The following DCHS2 variants were observed in gnomAD, a reference collection of about 807,000 sequenced individuals.
DCHS2 encodes dachsous cadherin-related 2, also known as protocadherin-23.
Under a neutral mutation model 182.4 loss-of-function variants are expected in DCHS2, and 142 were observed. The observed-to-expected ratio is 0.78, with a 90% CI of 0.68 to 0.89. The LOEUF is 0.89. Ranked by LOEUF, DCHS2 falls within the 40% of genes least tolerant of loss-of-function variation. The probability of loss-of-function intolerance (pLI) is 0.00; values close to 1 mark genes in which losing one functional copy is unlikely to be tolerated. For missense variants in DCHS2, 4,319 were observed against 4,198.6 expected, an observed-to-expected ratio of 1.03 and a Z score of -0.79; for synonymous variants, 1,740 against 1,663.3, an observed-to-expected ratio of 1.05 and a Z score of -1.12.
chr4:154,490,905 C>T lies in DCHS2; in HGVS notation c.451G>A (p.Val151Met), dbSNP rs1471447772. 16 of 1,551,224 alleles carry T rather than the reference C, an allele frequency of 1.0e-5. No individual in the cohort carries two copies. The highest frequency in any genetic ancestry group is 1.3e-5 in the Non-Finnish European group (15 of 1,146,918). Residue 151 changes from valine to methionine, a missense_variant, in exon 1 of 20, where the codon GTG (valine) becomes ATG (methionine). Physicochemically the swap from Val to Met is conservative, Grantham distance 21 (BLOSUM62 1). Transcript: ENST00000357232. ...TCGTTGACGCGAATCTCCACCTGCA[C>T]CACAGCGCCCAGCAGCGTGGCGGCG... The part of the protein sequence containing the change: ...FVAATLLGAV[V>M]QVEIRVNDVN...
intron 10 of DCHS2, among the ~76,000 whole-genome samples, chr4:154,308,022 CT>C (rs1735518413): frequency 6.6e-6 from 1 of 152,012 alleles, no homozygotes; most frequent in South Asian, 2.1e-4. Context: ...AATTTTTTTC[CT>C]TAAATTATAT....
Position 154,490,702 on chromosome 4 carries a change from G to A in DCHS2, c.654C>T (p.Gly218=). 1 of 1,551,624 alleles carries A rather than the reference G, an allele frequency of 6.4e-7. No individual in the cohort carries two copies. ...QPSDLPKDPA[G]PFFQLRYRTP... is the part of the protein sequence containing the mutation. ...TCCGGTAGCGCAACTGGAAGAACGG[G>A]CCTGCGGGGTCCTTGGGCAGGTCGG... Residue 218 remains glycine, a synonymous_variant, in exon 1 of 20, where the codon GGC becomes GGT. Transcript: ENST00000357232.
In DCHS2 at chr4:154,236,342, C is replaced by T. The variant is rs1187339909; in HGVS notation, c.8310G>A (p.Met2770Ile). 3.1e-6 allele frequency: 5 copies of T among 1,614,076 alleles called. No homozygotes were observed. The highest frequency in any genetic ancestry group is 4.2e-6 in the Non-Finnish European group (5 of 1,179,964). ...LDDNDHAPQF[M>I]FSSFSCIVPE... ...GAACAATACAGCTGAAGCTTGAGAA[C>T]ATAAACTGAGGTGCATGGTCGTTAT... is the stretch of plus-strand genomic sequence containing the variant. The change falls in exon 20 of 20, where the codon ATG (methionine) becomes ATA (isoleucine). Residue 2770 changes from methionine to isoleucine, a missense_variant. By Grantham distance (10) the Met-to-Ile change is conservative. Transcript: ENST00000357232.
At chr4:154,359,411 T>C (rs1290993843) in intron 3 of DCHS2, among the ~76,000 whole-genome samples, 1 of 152,034 alleles carries the variant, frequency 6.6e-6, no homozygotes, top group Non-Finnish European at 1.5e-5. Context: ...ATGGAATTTT[T>C]AACCAAGGTA....
At chr4:154,469,409 T>G (rs967782881) in intron 1 of DCHS2, among the ~76,000 whole-genome samples, 3 of 152,152 alleles carry the variant, frequency 2.0e-5, no homozygotes, top group African/African-American at 7.2e-5. Context: ...GAGAATTATG[T>G]TGTTTCAAAA....
chr4:154,240,853 C>A, intron 17 of DCHS2, 30 bp from the exon 18 acceptor site: 1 of 1,605,366 alleles, frequency 6.2e-7, no homozygotes, highest in Non-Finnish European at 8.5e-7. Context: ...TGTCAGTCTC[C>A]ATTAAAATTC....
chr4:154,246,438 A>G (rs1207935948), intron 16 of DCHS2, among the ~76,000 whole-genome samples: 1 of 152,154 alleles, frequency 6.6e-6, no homozygotes, highest in African/African-American at 2.4e-5. Context: ...TTTGAAAGTG[A>G]AGAGTGCTAG....
At chr4:154,379,627 A>C (rs1731079358) in intron 1 of DCHS2, among the ~76,000 whole-genome samples, 1 of 152,198 alleles carries the variant, frequency 6.6e-6, no homozygotes, top group Non-Finnish European at 1.5e-5. Flanking sequence ...GGGAGGCAAA[A>C]ATAAAAGACA....
At chr4:154,314,966 G>A (rs1735801789) in intron 10 of DCHS2, among the ~76,000 whole-genome samples, 1 of 152,092 alleles carries the variant, frequency 6.6e-6, no homozygotes, top group African/African-American at 2.4e-5. Flanking sequence ...TTTTGTTTAA[G>A]ATAAAAACAG....
chr4:154,471,661 T>C (rs1224030453), intron 1 of DCHS2, among the ~76,000 whole-genome samples: 1 of 152,092 alleles, frequency 6.6e-6, no homozygotes, highest in Non-Finnish European at 1.5e-5. Context: ...ATCTCTGCCA[T>C]CCTCAAAACT....
intron 3 of DCHS2, among the ~76,000 whole-genome samples, chr4:154,364,326 C>T (rs747486317): frequency 1.3e-5 from 2 of 152,160 alleles, no homozygotes; most frequent in African/African-American, 2.4e-5. Flanking sequence ...AACTGAATGA[C>T]GAGTGTGTGA....
chr4:154,403,425 C>T (rs1258577018), intron 1 of DCHS2, among the ~76,000 whole-genome samples: 1 of 151,986 alleles, frequency 6.6e-6, no homozygotes, highest in Non-Finnish European at 1.5e-5. Flanking sequence ...AAATTTTTCT[C>T]TTTTTTTCTA....
chr4:154,329,235 C>G (rs1411907748), intron 6 of DCHS2, among the ~76,000 whole-genome samples: 1 of 152,158 alleles, frequency 6.6e-6, no homozygotes, highest in Non-Finnish European at 1.5e-5. Context: ...AAAAACAAGC[C>G]ATGTCTGAGC....
chr4:154,406,173 C>G (rs1732390949), intron 1 of DCHS2, among the ~76,000 whole-genome samples: 2 of 152,240 alleles, frequency 1.3e-5, no homozygotes, highest in Non-Finnish European at 2.9e-5. Flanking sequence ...TATGCACAGC[C>G]CAGGCCTAGG....
chr4:154,298,447 G>T lies in DCHS2; in HGVS notation c.5867C>A (p.Ser1956Ter), dbSNP rs763780073. ...CAGGCCTTCATCCTTGTCCACAGCTGAAAGCACAAGAACCACTGTTCCCAC... is the reference window on the plus strand; with the variant it reads ...CAGGCCTTCATCCTTGTCCACAGCTTAAAGCACAAGAACCACTGTTCCCAC... ...AEVGTVVLVL[S>*]AVDKDEGLNG... Residue 1956 changes from serine (S) to a stop codon, truncating the protein, a stop_gained, in exon 13 of 20, where the codon TCA (serine) becomes TAA (stop). Coordinates refer to ENST00000357232, the MANE Select transcript of DCHS2 (RefSeq NM_001358235.2). LOFTEE classifies it high-confidence loss of function. 2 of 1,614,164 alleles carry T rather than the reference G, an allele frequency of 1.2e-6. No individual in the cohort carries two copies. Among genetic ancestry groups the T allele is most frequent in the Admixed American group, 3.3e-5 (2 of 60,022 alleles).
At chr4:154,402,183 G>A (rs753808417) in intron 1 of DCHS2, among the ~76,000 whole-genome samples, 1 of 152,142 alleles carries the variant, frequency 6.6e-6, no homozygotes, top group Non-Finnish European at 1.5e-5. Flanking sequence ...TGGTACCCTT[G>A]TCAAAACTCA....
intron 1 of DCHS2, among the ~76,000 whole-genome samples, chr4:154,429,172 C>G (rs1733459217): frequency 6.6e-6 from 1 of 152,172 alleles, no homozygotes; most frequent in Non-Finnish European, 1.5e-5. Context: ...GCATACAGCT[C>G]TCCTATTTGC....
At chr4:154,252,643 C>CTGA (rs1732433985) in intron 16 of DCHS2, among the ~76,000 whole-genome samples, 2 of 124,946 alleles carry the variant, frequency 1.6e-5, no homozygotes, top group Admixed American at 8.6e-5. Flanking sequence ...TTGCAAATGA[C>CTGA]CGGATCTCAT....
chr4:154,255,227 T>G (rs947956371), intron 16 of DCHS2, among the ~76,000 whole-genome samples: 2 of 152,202 alleles, frequency 1.3e-5, no homozygotes, highest in Non-Finnish European at 2.9e-5. Context: ...AAACATTATC[T>G]TTTTAGTGTC....
Sources: allele counts gnomAD v4.1 joint callset (sites outside exome capture counted in the v4.1 genomes callset), GRCh38; gene constraint gnomAD v4.1.1; transcripts MANE v1.5; gene names NCBI Gene and HGNC (gene_info 2026-07-23, HGNC 2026-07-21).